TANC1: variants seen among roughly 807,000 people sequenced by gnomAD.
TANC1 encodes the protein tetratricopeptide repeat, ankyrin repeat and coiled-coil containing 1.
A neutral mutation model predicts 149.7 loss-of-function variants in TANC1; 77 were observed. That is an observed-to-expected ratio of 0.51 (90% CI 0.43 to 0.62). The LOEUF (loss-of-function observed/expected upper bound fraction) is 0.62, where lower values mean the gene tolerates loss of function less well. Ranked by LOEUF, TANC1 falls within the 20% of genes least tolerant of loss-of-function variation. The probability of loss-of-function intolerance (pLI) is 0.00; values close to 1 mark genes in which losing one functional copy is unlikely to be tolerated. For synonymous variants in TANC1, 854 were observed against 925.0 expected (o/e 0.92, Z 1.39); for missense variants, 1,985 against 2,321.8 (o/e 0.85, Z 2.98).
At chr2:159,110,197 C>G (rs1243524301) in intron 4 of TANC1, among the ~76,000 whole-genome samples, 1 of 152,194 alleles carries the variant, frequency 6.6e-6, no homozygotes, top group African/African-American at 2.4e-5. Flanking sequence ...GGAGAAAATT[C>G]TGCAAGAGAG....
chr2:159,092,243 C>T (rs2045631301), intron 3 of TANC1, among the ~76,000 whole-genome samples: 1 of 152,216 alleles, frequency 6.6e-6, no homozygotes, highest in South Asian at 2.1e-4. Context: ...ACCTGAGTGT[C>T]TAAGTGCACC....
intron 14 of TANC1, 31 bp downstream of exon 14, chr2:159,179,194 C>A: frequency 6.3e-7 from 1 of 1,581,492 alleles, no homozygotes; most frequent in Non-Finnish European, 8.6e-7. Flanking sequence ...CAGCTCTTTG[C>A]AGGGAATCTC....
chr2:159,098,295 G>A (rs553997307), intron 4 of TANC1, among the ~76,000 whole-genome samples: 1 of 152,292 alleles, frequency 6.6e-6, no homozygotes, highest in African/African-American at 2.4e-5. Flanking sequence ...ATTCAGTATA[G>A]TAACGTGCTG....
At position 158,998,413 on chromosome 2, in the gene TANC1, C is replaced by A. The variant is rs185602104; in HGVS notation, c.-125-2667C>A. 1.8e-4 allele frequency among the ~76,000 whole-genome samples: 27 copies of A among 152,262 alleles called. No homozygotes were observed. In the East Asian group the frequency reaches 5.0e-3, roughly 28 times the overall value. On this transcript the variant is annotated intron_variant, in intron 1 of 26. Coordinates refer to ENST00000263635, the MANE Select transcript of TANC1 (RefSeq NM_033394.3). Reference sequence around the variant, plus strand: ...AGTAAATTGCAAACATCAGTACATGCGATCCCCAGCCCCTACCCCCAACAA... The same window carrying A: ...AGTAAATTGCAAACATCAGTACATGAGATCCCCAGCCCCTACCCCCAACAA...
intron 8 of TANC1, among the ~76,000 whole-genome samples, chr2:159,166,312 A>G (rs2054592949): frequency 6.6e-6 from 1 of 152,178 alleles, no homozygotes; most frequent in South Asian, 2.1e-4. Context: ...ACTTATTGGC[A>G]TGGACTTTCC....
chr2:159,232,581 G>A lies in TANC1; in HGVS notation c.*1569G>A, dbSNP rs1256331575. ...CTTATTTATTTTCTTTAATATTTGT[G>A]AAAGTCTTACTCCTTTGTTAGTTTT... On this transcript the variant is annotated 3_prime_UTR_variant, in exon 27 of 27. Transcript: ENST00000263635. 6.6e-6 allele frequency: 1 copy of A among 152,496 alleles called. No individual in the cohort carries two copies. The highest frequency in any genetic ancestry group is 6.6e-5 in the Admixed American group (1 of 15,266). The allele number at this position is 152,496 out of a possible 1,614,324, so 9.4% of individuals were successfully genotyped here. A position where few individuals can be genotyped will look rare whatever the true frequency, so the allele number is the denominator to read the frequency against.
intron 3 of TANC1, among the ~76,000 whole-genome samples, chr2:159,083,591 A>T (rs1316911068): frequency 1.3e-5 from 2 of 152,220 alleles, no homozygotes; most frequent in Non-Finnish European, 2.9e-5. Flanking sequence ...GCTTATTTTC[A>T]TACTGATACT....
At chr2:159,215,855 G>A (rs2059308115) in intron 19 of TANC1, among the ~76,000 whole-genome samples, 1 of 152,192 alleles carries the variant, frequency 6.6e-6, no homozygotes, top group Non-Finnish European at 1.5e-5. Flanking sequence ...GTTTATTCTT[G>A]TAGACATGTA....
At chr2:159,082,329 G>A (rs1422442413) in intron 3 of TANC1, among the ~76,000 whole-genome samples, 1 of 149,992 alleles carries the variant, frequency 6.7e-6, no homozygotes, top group African/African-American at 2.5e-5. Flanking sequence ...AGCAGATTAA[G>A]TATTTTGTAA....
intron 7 of TANC1, among the ~76,000 whole-genome samples, chr2:159,151,333 T>C (rs1244358807): frequency 6.6e-6 from 1 of 152,228 alleles, no homozygotes; most frequent in African/African-American, 2.4e-5. Context: ...CCAGTGTCTG[T>C]GTGACTCAGG....
intron 2 of TANC1, among the ~76,000 whole-genome samples, chr2:159,055,122 A>T (rs1333537626): frequency 6.6e-6 from 1 of 152,220 alleles, no homozygotes; most frequent in East Asian, 1.9e-4. Context: ...TGTAATTCTG[A>T]GTGTGGTTGT....
chr2:159,217,320 A>G (rs1355035519), intron 19 of TANC1, among the ~76,000 whole-genome samples, 177 bp from the exon 20 acceptor site: 1 of 152,152 alleles, frequency 6.6e-6, no homozygotes, highest in Non-Finnish European at 1.5e-5. Context: ...TGACATGCAC[A>G]CAGAATTGGT....
chr2:159,167,245 G>C (rs141290974), intron 8 of TANC1, among the ~76,000 whole-genome samples: 2,181 of 152,284 alleles, frequency 0.014, 29 homozygotes, highest in Non-Finnish European at 0.019. Context: ...TTATGAATAT[G>C]GCTGCCTGCC....
At chr2:159,006,192 G>T (rs1187245931) in intron 2 of TANC1, among the ~76,000 whole-genome samples, 1 of 151,428 alleles carries the variant, frequency 6.6e-6, no homozygotes, top group East Asian at 1.9e-4. Context: ...AGCTACTCCG[G>T]AGGCTGAGGC....
intron 2 of TANC1, among the ~76,000 whole-genome samples, chr2:159,044,246 C>T (rs906745473): frequency 5.3e-5 from 8 of 151,942 alleles, no homozygotes; most frequent in Admixed American, 6.6e-5. Flanking sequence ...GGCAACGCAG[C>T]GAGACCTCAT....
chr2:158,975,352 T>G (rs1013604250), intron 1 of TANC1, among the ~76,000 whole-genome samples: 1 of 152,122 alleles, frequency 6.6e-6, no homozygotes, highest in African/African-American at 2.4e-5. Context: ...AGTTTTCCAC[T>G]GGCCATGTAC....
intron 4 of TANC1, among the ~76,000 whole-genome samples, chr2:159,110,801 C>T (rs2047650903): frequency 6.6e-6 from 1 of 152,198 alleles, no homozygotes; most frequent in Non-Finnish European, 1.5e-5. Flanking sequence ...TAGTATCTGT[C>T]CCCTTGATTG....
chr2:159,013,237 G>A lies in TANC1; in HGVS notation c.-16+12048G>A, dbSNP rs566520745. On this transcript the variant is annotated intron_variant, in intron 2 of 26. Transcript: ENST00000263635. ...GATGAAACAGGCTGACATATTGAAG[G>A]CATATTGTATTATGTTTGGTGCACT... Among the ~76,000 whole-genome samples, 28 of 152,252 alleles carry A rather than the reference G, an allele frequency of 1.8e-4. 1 individual carries two copies. The South Asian group carries it at 3.9e-3, about 21-fold the overall frequency.
chr2:159,133,449 G>A (rs2050316493), intron 4 of TANC1, among the ~76,000 whole-genome samples: 1 of 151,658 alleles, frequency 6.6e-6, no homozygotes, highest in South Asian at 2.1e-4. Flanking sequence ...CCAACTCCTG[G>A]GCTTACAAGA....
Sources: gnomAD v4.1 joint callset for allele counts (sites outside exome capture counted in the v4.1 genomes callset) on GRCh38, gnomAD v4.1.1 for gene constraint, MANE v1.5 for transcripts, NCBI Gene and HGNC (gene_info 2026-07-23, HGNC 2026-07-21) for gene names.